The following THSD4 variants were observed in gnomAD, a reference collection of about 807,000 sequenced individuals.
THSD4 encodes thrombospondin type 1 domain containing 4.
Under a neutral mutation model 119.0 loss-of-function variants are expected in THSD4, and 69 were observed. The observed-to-expected ratio is 0.58, with a 90% CI of 0.48 to 0.71. THSD4 has a LOEUF of 0.71. Ranked by LOEUF, THSD4 falls within the 30% of genes least tolerant of loss-of-function variation. The probability of loss-of-function intolerance (pLI) is 0.00; values close to 1 mark genes in which losing one functional copy is unlikely to be tolerated. For missense variants in THSD4, 1,393 were observed against 1,391.1 expected (o/e 1.00, Z -0.02); for synonymous variants, 524 against 540.4 (o/e 0.97, Z 0.42).
At chr15:71,562,825 T>C (rs11630816) in intron 7 of THSD4, among the ~76,000 whole-genome samples, 78,830 of 151,524 alleles carry the variant, frequency 0.52, 21,504 homozygotes, top group East Asian at 0.78. Context: ...GCCTCAGCCT[T>C]CTGAGTAGCT....
chr15:71,526,397 A>G (rs1423854634), intron 7 of THSD4, among the ~76,000 whole-genome samples: 1 of 152,206 alleles, frequency 6.6e-6, no homozygotes, highest in Non-Finnish European at 1.5e-5. Context: ...CTTTCTTGTT[A>G]GGAGAGAGTC....
chr15:71,660,461 C>A, intron 7 of THSD4, 69 bp from the exon 8 acceptor site: 1 of 1,584,804 alleles, frequency 6.3e-7, no homozygotes, highest in Non-Finnish European at 8.6e-7. Flanking sequence ...GCCCAGGGAT[C>A]TTCTCCCTTC....
intron 7 of THSD4, among the ~76,000 whole-genome samples, chr15:71,595,898 G>A (rs1357282405): frequency 3.3e-5 from 5 of 152,208 alleles, no homozygotes; most frequent in Non-Finnish European, 7.3e-5. Context: ...ACTTGTGTCT[G>A]TGTTTTTGTT....
chr15:71,576,320 T>G (rs1323684464), intron 7 of THSD4, among the ~76,000 whole-genome samples: 3 of 152,200 alleles, frequency 2.0e-5, no homozygotes, highest in African/African-American at 7.2e-5. Flanking sequence ...GCAGTTGAGC[T>G]CCTATTAAAA....
intron 6 of THSD4, among the ~76,000 whole-genome samples, chr15:71,279,257 G>T (rs2044624981): frequency 6.6e-6 from 1 of 152,132 alleles, no homozygotes; most frequent in Admixed American, 6.5e-5. Context: ...TTGTACTTAA[G>T]GTTACGTAAC....
At chr15:71,207,969 G>A (rs1054414309) in intron 3 of THSD4, among the ~76,000 whole-genome samples, 15 of 152,194 alleles carry the variant, frequency 9.9e-5, no homozygotes, top group African/African-American at 3.6e-4. Context: ...ACGAGTCTAG[G>A]AAGCAGGTGG....
At chr15:71,601,806 G>C (rs886422835) in intron 7 of THSD4, among the ~76,000 whole-genome samples, 5 of 152,322 alleles carry the variant, frequency 3.3e-5, no homozygotes, top group African/African-American at 9.6e-5. Context: ...TTTCTTTACT[G>C]TGTCAAAGCA....
At chr15:71,313,891 G>GA (rs1054293160) in intron 6 of THSD4, among the ~76,000 whole-genome samples, 1 of 152,020 alleles carries the variant, frequency 6.6e-6, no homozygotes, top group Admixed American at 6.6e-5. Flanking sequence ...TAGGTAGTTA[G>GA]AAAAAAACAC....
intron 7 of THSD4, among the ~76,000 whole-genome samples, chr15:71,467,119 A>G (rs1417388840): frequency 6.6e-6 from 1 of 152,008 alleles, no homozygotes; most frequent in African/African-American, 2.4e-5. Flanking sequence ...CACTTCTACA[A>G]CCTCACGTGC....
At chr15:71,261,925 A>G (rs1348047408) in intron 6 of THSD4, among the ~76,000 whole-genome samples, 1 of 152,186 alleles carries the variant, frequency 6.6e-6, no homozygotes, top group Non-Finnish European at 1.5e-5. Flanking sequence ...TTGTTTAAAT[A>G]ATTCTTTTTG....
At chr15:71,452,027 T>C (rs904130632) in intron 7 of THSD4, among the ~76,000 whole-genome samples, 6 of 152,112 alleles carry the variant, frequency 3.9e-5, no homozygotes, top group Non-Finnish European at 5.9e-5. Context: ...GGACCCTCCT[T>C]ACTAGCTCAA....
At chr15:71,120,810 G>C (rs1055601360) in intron 1 of THSD4, among the ~76,000 whole-genome samples, 2 of 152,212 alleles carry the variant, frequency 1.3e-5, no homozygotes, top group African/African-American at 4.8e-5. Flanking sequence ...TTAGGCCTTG[G>C]CCCTCTGAGC....
chr15:71,755,809 G>A (rs1408420886), intron 14 of THSD4, among the ~76,000 whole-genome samples: 2 of 146,768 alleles, frequency 1.4e-5, no homozygotes, highest in African/African-American at 5.0e-5. Context: ...AGGCTTGAAA[G>A]AACATCTTAA....
intron 6 of THSD4, among the ~76,000 whole-genome samples, chr15:71,272,513 C>T (rs2044543977): frequency 6.6e-6 from 1 of 151,376 alleles, no homozygotes; most frequent in Non-Finnish European, 1.5e-5. Flanking sequence ...TGTTAAAATG[C>T]TCGATACCAC....
At chr15:71,630,076 C>T (rs1284882938) in intron 7 of THSD4, among the ~76,000 whole-genome samples, 1 of 152,194 alleles carries the variant, frequency 6.6e-6, no homozygotes, top group Non-Finnish European at 1.5e-5. Flanking sequence ...TGTAAGCTGG[C>T]TCTCAATCAT....
chr15:71,328,861 G>GA (rs1156687185), intron 6 of THSD4, among the ~76,000 whole-genome samples: 1 of 152,214 alleles, frequency 6.6e-6, no homozygotes, highest in Non-Finnish European at 1.5e-5. Flanking sequence ...GTGGTATTGT[G>GA]AAAAAAGCAA....
chr15:71,391,857 A>G (rs944294305), intron 6 of THSD4, among the ~76,000 whole-genome samples: 1 of 152,220 alleles, frequency 6.6e-6, no homozygotes, highest in African/African-American at 2.4e-5. Flanking sequence ...CAATAACAAA[A>G]TGAAACTTGC....
At chr15:71,428,622 G>A (rs2046904529) in intron 7 of THSD4, among the ~76,000 whole-genome samples, 1 of 152,144 alleles carries the variant, frequency 6.6e-6, no homozygotes, top group African/African-American at 2.4e-5. Flanking sequence ...TAATGTAATA[G>A]AAAAGACTTA....
intron 7 of THSD4, among the ~76,000 whole-genome samples, chr15:71,557,767 C>T (rs2049043162): frequency 6.6e-6 from 1 of 152,094 alleles, no homozygotes; most frequent in Admixed American, 6.5e-5. Context: ...TAAATGTGTT[C>T]ATTATACCTT....
Sources: allele counts gnomAD v4.1 joint callset (sites outside exome capture counted in the v4.1 genomes callset), GRCh38; gene constraint gnomAD v4.1.1; transcripts MANE v1.5; gene names NCBI Gene and HGNC (gene_info 2026-07-23, HGNC 2026-07-21).